TRIO: variants seen among roughly 807,000 people sequenced by gnomAD.
TRIO encodes trio Rho guanine nucleotide exchange factor, also known as triple functional domain protein.
TRIO carries 58 observed loss-of-function variants against 351.9 expected under a neutral mutation model. That is an observed-to-expected ratio of 0.16 (90% CI 0.13 to 0.21). The LOEUF is 0.21. Among genes scored for constraint, TRIO ranks in the 10% least tolerant of loss-of-function variants. The pLI is 1.00. For synonymous variants in TRIO, 1,758 were observed against 1,595.7 expected (o/e 1.10, Z -2.42); for missense variants, 3,201 against 4,027.8 (o/e 0.79, Z 5.56).
intron 1 of TRIO, among the ~76,000 whole-genome samples, chr5:14,202,441 A>G (rs1230058603): frequency 1.3e-5 from 2 of 151,240 alleles, no homozygotes; most frequent in African/African-American, 4.9e-5. Context: ...CTGACCTACT[A>G]TGAGCAAGTT....
At chr5:14,317,514 G>C (rs145798630) in intron 9 of TRIO, among the ~76,000 whole-genome samples, 1 of 152,314 alleles carries the variant, frequency 6.6e-6, no homozygotes, top group East Asian at 1.9e-4. Context: ...GCCTGCAGTA[G>C]AGCCACTCTC....
chr5:14,349,220 GT>G (rs905355520), intron 11 of TRIO, among the ~76,000 whole-genome samples: 26 of 140,282 alleles, frequency 1.9e-4, no homozygotes, highest in Non-Finnish European at 2.7e-4. Flanking sequence ...GATCATGTGT[GT>G]TTTTCCTGTG....
intron 9 of TRIO, among the ~76,000 whole-genome samples, chr5:14,320,535 C>A (rs533919609): frequency 2.0e-5 from 3 of 152,136 alleles, no homozygotes; most frequent in Non-Finnish European, 2.9e-5. Flanking sequence ...AGCGCCACCC[C>A]CTTGCAAGTG....
Position 14,398,674 on chromosome 5 carries a change from G to A in TRIO, c.4424-206G>A, listed in dbSNP as rs137995643. On this transcript the variant is annotated intron_variant, in intron 29 of 56. Transcript: ENST00000344204. ...AATCGCAAAATGTTTTTGAACAAAG[G>A]AAAATATATGTAAAGTGGTGTGTTA... Among the ~76,000 whole-genome samples the A allele has an allele frequency of 9.2e-3, 1,401 of 152,298 alleles. 5 individuals are homozygous for A. Among genetic ancestry groups the A allele is most frequent in the Middle Eastern group, 0.024 (7 of 294 alleles).
chr5:14,277,367 G>T (rs1013314070), intron 2 of TRIO, among the ~76,000 whole-genome samples: 1 of 152,130 alleles, frequency 6.6e-6, no homozygotes, highest in African/African-American at 2.4e-5. Flanking sequence ...TTTGACTAAG[G>T]CAGCATTTGG....
In TRIO at chr5:14,381,035, G is replaced by C. The variant is rs572258555; in HGVS notation, c.3448-95G>C. On this transcript the variant is annotated intron_variant, in intron 20 of 56. Coordinates refer to ENST00000344204, the MANE Select transcript of TRIO (RefSeq NM_007118.4). ...ATGCTTCTCGATGCTGCCAGCCTTGGTTTGTGATTTGACCTTTAAATGAGG... is the reference window on the plus strand; with the variant it reads ...ATGCTTCTCGATGCTGCCAGCCTTGCTTTGTGATTTGACCTTTAAATGAGG... 3.5e-6 allele frequency: 5 copies of C among 1,445,468 alleles called. No homozygotes were observed. In the East Asian group the frequency reaches 9.6e-5, roughly 28 times the overall value. The allele number at this position is 1,445,468 out of a possible 1,614,324, so 89.5% of individuals were successfully genotyped here.
intron 54 of TRIO, among the ~76,000 whole-genome samples, chr5:14,503,931 C>A (rs985777193): frequency 6.6e-6 from 1 of 152,220 alleles, no homozygotes; most frequent in African/African-American, 2.4e-5. Context: ...GCTCCAGGGT[C>A]CTCGTGCCTG....
chr5:14,144,339 G>C (rs577346977), intron 1 of TRIO, among the ~76,000 whole-genome samples: 2 of 152,310 alleles, frequency 1.3e-5, no homozygotes, highest in African/African-American at 2.4e-5. Context: ...TTTGATCTGT[G>C]CCTGTCTCTG....
intron 11 of TRIO, among the ~76,000 whole-genome samples, chr5:14,354,152 A>T (rs115628698): frequency 1.5e-4 from 23 of 152,160 alleles, no homozygotes; most frequent in Non-Finnish European, 2.8e-4. Context: ...CCTGACCCCT[A>T]CTGTCTGAGC....
rs757198056 is a variant in TRIO at position 14,487,445 on chromosome 5, C to A, written c.6836-19C>A. ...CCTTGGCGCCCTGACCCAGTCTCTC[C>A]CGCTGTCTTGTCTTACAGCCTTGAC... On this transcript the variant is annotated intron_variant, in intron 47 of 56. Coordinates refer to ENST00000344204, the MANE Select transcript of TRIO (RefSeq NM_007118.4). 1.8e-6 allele frequency: 2 copies of A among 1,099,942 alleles called. No homozygotes were observed. Among genetic ancestry groups the A allele is most frequent in the Non-Finnish European group, 1.1e-6 (1 of 885,712 alleles). The allele number at this position is 1,099,942 out of a possible 1,614,324, so 68.1% of individuals were successfully genotyped here.
Position 14,318,489 on chromosome 5 carries a change from A to G in TRIO, c.1731+1746A>G, listed in dbSNP as rs189384958. On this transcript the variant is annotated intron_variant, in intron 9 of 56. Coordinates refer to ENST00000344204, the MANE Select transcript of TRIO (RefSeq NM_007118.4). ...AAAAAAAAGACTGAATGGCCCTGTA[A>G]TTTTTAATTTTCATATACCGTGCTT... Among the ~76,000 whole-genome samples, 553 of 150,930 alleles carry G rather than the reference A, an allele frequency of 3.7e-3. 4 individuals are homozygous for G. Among genetic ancestry groups the G allele is most frequent in the African/African-American group, 9.7e-3 (402 of 41,306 alleles).
chr5:14,491,552 T>C (rs1756484796), intron 48 of TRIO, among the ~76,000 whole-genome samples: 1 of 152,194 alleles, frequency 6.6e-6, no homozygotes, highest in Non-Finnish European at 1.5e-5. Context: ...CCCAGAACCA[T>C]AGGCCACGCG....
chr5:14,469,949 T>TG (rs1374086020), intron 37 of TRIO, among the ~76,000 whole-genome samples: 1 of 152,206 alleles, frequency 6.6e-6, no homozygotes, highest in Non-Finnish European at 1.5e-5. Context: ...AGGCTTCAGC[T>TG]GTCCAGGTGG....
chr5:14,487,759 T>A lies in TRIO; in HGVS notation c.7131T>A (p.Pro2377=), dbSNP rs762813571. Residue 2377 remains proline, a synonymous_variant, in exon 48 of 57, where the codon CCT becomes CCA. Transcript: ENST00000344204. ...SGTSTPGPSL[P]PPGAAPEAGP... ...CGTCCACCCCCGGGCCCTCCCTGCC[T>A]CCCCCTGGCGCGGCCCCCGAGGCCG... is the stretch of plus-strand genomic sequence containing the variant. 7.4e-5 allele frequency: 102 copies of A among 1,375,862 alleles called. No individual in the cohort carries two copies. The highest frequency in any genetic ancestry group is 9.1e-5 in the Non-Finnish European group (96 of 1,060,264). The allele number at this position is 1,375,862 out of a possible 1,614,324, so 85.2% of individuals were successfully genotyped here.
chr5:14,259,252 A>G (rs1037268675), intron 1 of TRIO, among the ~76,000 whole-genome samples: 1 of 152,222 alleles, frequency 6.6e-6, no homozygotes, highest in Non-Finnish European at 1.5e-5. Context: ...TTCTGTGTCA[A>G]AATTTGTTTT....
intron 36 of TRIO, among the ~76,000 whole-genome samples, chr5:14,464,736 G>A (rs1754120019): frequency 6.6e-6 from 1 of 152,142 alleles, no homozygotes; most frequent in Non-Finnish European, 1.5e-5. Context: ...GCCCGCTGTG[G>A]GTCGCATGCC....
intron 1 of TRIO, among the ~76,000 whole-genome samples, chr5:14,163,334 T>C (rs1428897605): frequency 6.6e-6 from 1 of 152,228 alleles, no homozygotes; most frequent in Non-Finnish European, 1.5e-5. Context: ...TCCATGTCCC[T>C]GAAAAGGAAA....
chr5:14,424,598 G>A (rs1056118393), intron 34 of TRIO, among the ~76,000 whole-genome samples: 1 of 152,162 alleles, frequency 6.6e-6, no homozygotes, highest in Non-Finnish European at 1.5e-5. Flanking sequence ...TAAAATCTGT[G>A]CCAAAAACAG....
intron 1 of TRIO, among the ~76,000 whole-genome samples, chr5:14,225,294 C>T (rs1315332469): frequency 1.3e-5 from 2 of 152,074 alleles, no homozygotes; most frequent in Admixed American, 6.5e-5. Context: ...CTGTGGAACC[C>T]GAAAATAATC....
Sources: allele counts gnomAD v4.1 joint callset (sites outside exome capture counted in the v4.1 genomes callset), GRCh38; gene constraint gnomAD v4.1.1; transcripts MANE v1.5; gene names NCBI Gene and HGNC (gene_info 2026-07-23, HGNC 2026-07-21).